Variants in PRKAR1A observed in about 807,000 individuals in gnomAD.
PRKAR1A encodes the protein cAMP-dependent protein kinase type I-alpha regulatory subunit.
In PRKAR1A, 3 loss-of-function variants were observed where a neutral mutation model predicts 52.0. The ratio of observed to expected loss-of-function variants is 0.06; its 90% confidence interval spans 0.03 to 0.15. PRKAR1A has a LOEUF of 0.15. PRKAR1A is among the 10% of genes least tolerant of loss of function. The pLI is 1.00. For missense variants in PRKAR1A, 240 were observed against 477.4 expected (o/e 0.50, Z 4.63); for synonymous variants, 188 against 168.4 (o/e 1.12, Z -0.90).
chr17:68,420,637 G>A, the PRKAR1A span: 12 of 746,724 alleles, frequency 1.6e-5, no homozygotes, highest in Non-Finnish European at 2.6e-5. Flanking sequence ...GCCGACCCGA[G>A]AGCAGCTGAG....
chr17:68,540,576 AT>A (rs1568719653), intron 11 of PRKAR1A: 2 of 552,666 alleles, frequency 3.6e-6, no homozygotes, highest in Admixed American at 4.4e-5. Flanking sequence ...TGAAGTGAAC[AT>A]ACAGCTTCCA....
At position 68,540,981 on chromosome 17, in the gene PRKAR1A, G is replaced by T. The variant is rs200166232; in HGVS notation, c.974-10103G>T. On this transcript the variant is annotated intron_variant, in intron 11 of 11. Transcript: ENST00000585981. ...CACCTGAGGGGGAGAAGAAGTCCTG[G>T]GGCTGGAAAAGCCAAGATGGCAGGG... is the stretch of plus-strand genomic sequence containing the variant. 27 of 1,563,186 alleles carry T rather than the reference G, an allele frequency of 1.7e-5. No homozygotes were observed. In the African/African-American group the frequency reaches 2.7e-4, roughly 16 times the overall value.
intron 11 of PRKAR1A, among the ~76,000 whole-genome samples, chr17:68,549,021 C>T (rs1028343618): frequency 6.6e-5 from 10 of 152,040 alleles, no homozygotes; most frequent in African/African-American, 2.2e-4. Flanking sequence ...CGTGAGCCAC[C>T]GTGCCCAGCC....
the PRKAR1A span, among the ~76,000 whole-genome samples, chr17:68,482,077 A>G: frequency 6.6e-6 from 1 of 152,190 alleles, no homozygotes; most frequent in South Asian, 2.1e-4. Context: ...GGGGATGTAA[A>G]AGCCACCAGG....
chr17:68,527,623 A>G, intron 7 of PRKAR1A: 1 of 515,876 alleles, frequency 1.9e-6, no homozygotes, highest in Admixed American at 3.2e-5. Flanking sequence ...ATTGGGCATA[A>G]TATTGGCGGA....
chr17:68,543,665 C>T, intron 11 of PRKAR1A: 4 of 1,614,144 alleles, frequency 2.5e-6, no homozygotes, highest in Non-Finnish European at 3.4e-6. Flanking sequence ...AGCATTGTGT[C>T]TCTGAAAGTC....
chr17:68,515,854 A>G (rs1366391403), intron 2 of PRKAR1A: 1 of 430,118 alleles, frequency 2.3e-6, no homozygotes, highest in African/African-American at 2.0e-5. Flanking sequence ...AGTGCGTAGA[A>G]CTATAACAGA....
At chr17:68,444,436 G>T in the PRKAR1A span, 7 of 1,507,456 alleles carry the variant, frequency 4.6e-6, no homozygotes, top group Non-Finnish European at 6.4e-6. Context: ...TAAAGCTTGG[G>T]AAAGAAGCAC....
chr17:68,426,246 G>T, the PRKAR1A span: 8 of 894,414 alleles, frequency 8.9e-6, no homozygotes, highest in South Asian at 1.3e-5. Flanking sequence ...GGCGGGTGGG[G>T]AGCGGGGGCT....
chr17:68,500,224 T>C, the PRKAR1A span, among the ~76,000 whole-genome samples: 2 of 152,206 alleles, frequency 1.3e-5, no homozygotes, highest in Non-Finnish European at 2.9e-5. Context: ...AATCTCATCT[T>C]GAATTGTAGC....
intron 11 of PRKAR1A, chr17:68,541,970 TG>T: frequency 1.2e-6 from 2 of 1,610,790 alleles, no homozygotes; most frequent in Non-Finnish European, 8.5e-7. Context: ...CTGTGTGGCC[TG>T]GGGACCAACT....
downstream of PRKAR1A, among the ~76,000 whole-genome samples, chr17:68,533,984 C>G (rs2086042696): frequency 1.3e-5 from 2 of 152,182 alleles, no homozygotes; most frequent in Non-Finnish European, 2.9e-5. Context: ...CTTAGCCTCC[C>G]AAAGTGCTAG....
the PRKAR1A span, among the ~76,000 whole-genome samples, chr17:68,447,515 A>G: frequency 6.6e-6 from 1 of 151,774 alleles, no homozygotes; most frequent in African/African-American, 2.4e-5. Flanking sequence ...CCAAGTAGCT[A>G]GGCCTACGGG....
the PRKAR1A span, among the ~76,000 whole-genome samples, chr17:68,415,930 G>A: frequency 7.2e-5 from 11 of 152,266 alleles, no homozygotes; most frequent in South Asian, 1.4e-3. Flanking sequence ...TGAGTCTCCC[G>A]AAGGCAGCAG....
chr17:68,517,803 T>A (rs1475896700), intron 2 of PRKAR1A, among the ~76,000 whole-genome samples: 4 of 152,174 alleles, frequency 2.6e-5, no homozygotes, highest in African/African-American at 9.7e-5. Context: ...CATTCCAGCA[T>A]TAACTCAAAA....
In PRKAR1A at chr17:68,527,848, A is replaced by C. The variant is rs138919971; in HGVS notation, c.717A>C (p.Thr239=). ...DSYRRILMGS[T]LRKRKMYEEF... is the part of the protein sequence containing the mutation. The stretch of plus-strand genomic sequence containing the variant: ...GTTATTTTTATTTTTAGGGAAGCAC[A>C]CTGAGAAAGCGGAAGATGTATGAGG... Residue 239 remains threonine, a synonymous_variant, in exon 8 of 11, where the codon ACA becomes ACC. Transcript: ENST00000589228. The C allele has an allele frequency of 2.5e-6, 4 of 1,611,394 alleles. No individual in the cohort carries two copies. The highest frequency in any genetic ancestry group is 3.4e-6 in the Non-Finnish European group (4 of 1,177,930).
intron 3 of PRKAR1A, among the ~76,000 whole-genome samples, chr17:68,523,217 T>G (rs1470779359): frequency 6.6e-6 from 1 of 152,212 alleles, no homozygotes; most frequent in East Asian, 1.9e-4. Flanking sequence ...AATCGTGATG[T>G]CCTTTTTTTG....
chr17:68,459,976 A>G, the PRKAR1A span, among the ~76,000 whole-genome samples: 1 of 151,686 alleles, frequency 6.6e-6, no homozygotes, highest in Non-Finnish European at 1.5e-5. Context: ...CCCCGCCACC[A>G]TGCCCAGCTA....
At chr17:68,542,456 C>T (rs530280321) in intron 11 of PRKAR1A, among the ~76,000 whole-genome samples, 15 of 152,158 alleles carry the variant, frequency 9.9e-5, no homozygotes, top group Admixed American at 5.9e-4. Flanking sequence ...GGGAGGCCAG[C>T]ATTGTAGGGT....
Sources: allele counts gnomAD v4.1 joint callset (sites outside exome capture counted in the v4.1 genomes callset), GRCh38; gene constraint gnomAD v4.1.1; transcripts MANE v1.5; gene names NCBI Gene and HGNC (gene_info 2026-07-23, HGNC 2026-07-21).